The following MTM1 variants were observed in gnomAD, a reference collection of about 807,000 sequenced individuals.
MTM1 encodes the protein myotubularin.
In MTM1, 9 loss-of-function variants were observed where a neutral mutation model predicts 52.1. The ratio of observed to expected loss-of-function variants is 0.17; its 90% CI spans 0.10 to 0.30. MTM1 has a LOEUF of 0.30. Among genes scored for constraint, MTM1 ranks in the 10% least tolerant of loss-of-function variants. The pLI is 1.00. For missense variants in MTM1, 277 were observed against 470.7 expected, an observed-to-expected ratio of 0.59 and a Z score of 3.81; for synonymous variants, 136 against 163.8, an observed-to-expected ratio of 0.83 and a Z score of 1.29.
chrX:150,570,102 T>C (rs1008540690), intron 1 of MTM1, among the ~76,000 whole-genome samples: 4 of 111,687 alleles, frequency 3.6e-5, no homozygotes, highest in African/African-American at 1.3e-4. Context: ...CTAACTACAT[T>C]TATTAAGTTG....
upstream of MTM1, among the ~76,000 whole-genome samples, chrX:150,565,771 T>C (rs2038254245): frequency 1.8e-5 from 2 of 111,908 alleles, no homozygotes; most frequent in South Asian, 7.4e-4. Flanking sequence ...CTCCAGCCTG[T>C]GCCTTAGCAA....
chrX:150,583,283 A>AT (rs1569565310), intron 1 of MTM1, among the ~76,000 whole-genome samples: 1 of 59,656 alleles, frequency 1.7e-5, no homozygotes, highest in African/African-American at 7.0e-5. Flanking sequence ...TAAATTATAA[A>AT]TATATATAAA....
chrX:150,631,073 A>G (rs1231165140), intron 6 of MTM1, among the ~76,000 whole-genome samples: 2 of 112,203 alleles, frequency 1.8e-5, no homozygotes, highest in African/African-American at 3.2e-5. Context: ...GTAAGCACCC[A>G]CTGCCTAGCA....
intron 2 of MTM1, among the ~76,000 whole-genome samples, chrX:150,595,186 C>T (rs1313734905): frequency 2.7e-5 from 3 of 111,780 alleles, no homozygotes; most frequent in Non-Finnish European, 5.6e-5. Flanking sequence ...CAGAAGTGTG[C>T]ACAGTAGCTC....
intron 12 of MTM1, among the ~76,000 whole-genome samples, 187 bp from the exon 13 acceptor site, chrX:150,660,184 A>C (rs1235482373): frequency 8.9e-6 from 1 of 111,951 alleles, no homozygotes; most frequent in African/African-American, 3.2e-5. Flanking sequence ...TTAACACTTA[A>C]AGTGCTCAGA....
chrX:150,669,286 G>T (rs2040357589), intron 14 of MTM1, among the ~76,000 whole-genome samples: 2 of 112,157 alleles, frequency 1.8e-5, no homozygotes, highest in Admixed American at 9.4e-5. Context: ...TCACTGATGG[G>T]CATTTGGGTT....
chrX:150,589,401 C>T (rs2038845106), intron 1 of MTM1, among the ~76,000 whole-genome samples: 1 of 111,668 alleles, frequency 9.0e-6, no homozygotes, highest in Non-Finnish European at 1.9e-5. Flanking sequence ...CTGTAGTTAA[C>T]ATATATATAC....
At chrX:150,622,138 C>A (rs3819627) in intron 6 of MTM1, among the ~76,000 whole-genome samples, 1 of 106,657 alleles carries the variant, frequency 9.4e-6, no homozygotes, top group Non-Finnish European at 1.9e-5. Context: ...ATTTTTCATA[C>A]CTGTGCTGAG....
At chrX:150,626,219 G>T (rs1400749837) in intron 6 of MTM1, among the ~76,000 whole-genome samples, 3 of 112,572 alleles carry the variant, frequency 2.7e-5, no homozygotes, top group African/African-American at 9.7e-5. Context: ...AAAGTTAGTA[G>T]AGTGCGTTAT....
At chrX:150,579,713 GC>G (rs1213005299) in intron 1 of MTM1, among the ~76,000 whole-genome samples, 1 of 108,971 alleles carries the variant, frequency 9.2e-6, no homozygotes, top group East Asian at 2.9e-4. Flanking sequence ...TATTGCCCAG[GC>G]TGGTCTCAAC....
intron 4 of MTM1, among the ~76,000 whole-genome samples, chrX:150,607,847 T>C (rs182857200): frequency 5.1e-4 from 57 of 111,917 alleles, no homozygotes; most frequent in African/African-American, 1.8e-3. Context: ...CTTATAGTTC[T>C]CATGGGATTG....
At chrX:150,641,516 C>A in intron 8 of MTM1, 98 bp downstream of exon 8, 1 of 1,010,497 alleles carries the variant, frequency 9.9e-7, no homozygotes, top group Non-Finnish European at 1.4e-6. Context: ...GGAATTCTAT[C>A]CCAAAAAATA....
chrX:150,574,236 T>A (rs370801421), intron 1 of MTM1, among the ~76,000 whole-genome samples: 2 of 111,419 alleles, frequency 1.8e-5, no homozygotes, highest in African/African-American at 6.5e-5. Context: ...ACTCTAATAA[T>A]CTCCCCAGAG....
At chrX:150,597,882 T>C (rs1389199995) in intron 3 of MTM1, among the ~76,000 whole-genome samples, 2 of 111,143 alleles carry the variant, frequency 1.8e-5, no homozygotes, top group Non-Finnish European at 3.8e-5. Context: ...AGGCCAGGAA[T>C]TGGAGACCAG....
intron 1 of MTM1, among the ~76,000 whole-genome samples, chrX:150,580,650 G>A (rs1426744731): frequency 9.0e-6 from 1 of 110,791 alleles, no homozygotes; most frequent in Non-Finnish European, 1.9e-5. Context: ...AAGGATACGT[G>A]GTTGTTTGTA....
chrX:150,602,919 C>T (rs1477905907), intron 4 of MTM1, among the ~76,000 whole-genome samples: 1 of 111,872 alleles, frequency 8.9e-6, no homozygotes, highest in African/African-American at 3.3e-5. Context: ...GCCTGCATAA[C>T]CTCATAGGAT....
chrX:150,612,410 G>A (rs2039298989), intron 4 of MTM1, among the ~76,000 whole-genome samples: 1 of 111,842 alleles, frequency 8.9e-6, no homozygotes, highest in African/African-American at 3.3e-5. Context: ...TAATATAAAA[G>A]GCCAGGAGCA....
chrX:150,652,591 T>TTA (rs1466609608), intron 10 of MTM1, among the ~76,000 whole-genome samples: 45 of 94,725 alleles, frequency 4.8e-4, no homozygotes, highest in Admixed American at 2.8e-3. Context: ...ACAAGAAAAG[T>TTA]TATATATATA....
chrX:150,575,730 A>G, intron 1 of MTM1, among the ~76,000 whole-genome samples: 1 of 112,263 alleles, frequency 8.9e-6, no homozygotes, highest in Non-Finnish European at 1.9e-5. Flanking sequence ...ACCATAAAGT[A>G]TTGTGTTTAC....
Sources: allele counts gnomAD v4.1 joint callset (sites outside exome capture counted in the v4.1 genomes callset), GRCh38; gene constraint gnomAD v4.1.1; transcripts MANE v1.5; gene names NCBI Gene and HGNC (gene_info 2026-07-23, HGNC 2026-07-21).